KANK4: variants seen among roughly 807,000 people sequenced by gnomAD.
The protein encoded by KANK4 is KN motif and ankyrin repeat domains 4.
A neutral mutation model predicts 80.8 loss-of-function variants in KANK4; 50 were observed. The observed-to-expected ratio is 0.62, with a 90% CI of 0.49 to 0.78. The LOEUF (loss-of-function observed/expected upper bound fraction) is 0.78. Among genes scored for constraint, KANK4 ranks in the 30% least tolerant of loss-of-function variants. KANK4 has a pLI of 0.00. For synonymous variants in KANK4, 465 were observed against 506.9 expected, an observed-to-expected ratio of 0.92 and a Z score of 1.11; for missense variants, 1,196 against 1,240.1, an observed-to-expected ratio of 0.96 and a Z score of 0.53.
At chr1:62,304,180 G>A (rs1300346457) in intron 1 of KANK4, among the ~76,000 whole-genome samples, 3 of 152,004 alleles carry the variant, frequency 2.0e-5, no homozygotes, top group Admixed American at 6.6e-5. Flanking sequence ...CGGACCTTCA[G>A]ATTCTATTTC....
intron 6 of KANK4, among the ~76,000 whole-genome samples, chr1:62,265,680 G>A (rs768056128): frequency 2.6e-5 from 4 of 152,232 alleles, no homozygotes; most frequent in Non-Finnish European, 4.4e-5. Flanking sequence ...AGAGCAAAAT[G>A]GCTTTTAAAA....
At position 62,268,508 on chromosome 1, in the gene KANK4, G is replaced by A. The variant is rs371835499; in HGVS notation, c.2013-3C>T. Reference sequence around the variant, plus strand: ...CCTCACTTGAGGTGGTCTCATACCTGGGGTAGAAAACAAAGGTCACTCGTC... The same window carrying A: ...CCTCACTTGAGGTGGTCTCATACCTAGGGTAGAAAACAAAGGTCACTCGTC... On this transcript the variant is annotated splice_polypyrimidine_tract_variant and splice_region_variant and intron_variant, in intron 4 of 9. Coordinates refer to ENST00000371153, the MANE Select transcript of KANK4 (RefSeq NM_181712.5). 15 of 1,612,332 alleles carry A rather than the reference G, an allele frequency of 9.3e-6. No homozygotes were observed. In the Admixed American group the frequency reaches 1.5e-4, roughly 16 times the overall value.
intron 7 of KANK4, among the ~76,000 whole-genome samples, chr1:62,262,014 C>T (rs1429761596): frequency 6.6e-6 from 1 of 152,232 alleles, no homozygotes; most frequent in African/African-American, 2.4e-5. Flanking sequence ...GCTCACCTAG[C>T]TCACCTTTGC....
intron 1 of KANK4, among the ~76,000 whole-genome samples, chr1:62,285,391 G>A (rs1281455351): frequency 6.6e-6 from 1 of 152,156 alleles, no homozygotes; most frequent in African/African-American, 2.4e-5. Context: ...CCCAACTCCT[G>A]CAGCATTTAT....
At position 62,250,544 on chromosome 1, in the gene KANK4, C is replaced by T. The variant is rs566285875; in HGVS notation, c.2682+2523G>A. On this transcript the variant is annotated intron_variant, in intron 8 of 9. Coordinates refer to ENST00000371153, the MANE Select transcript of KANK4 (RefSeq NM_181712.5). ...CCTCTGCTCTCTTCACATGTGAAGG[C>T]CCAGGGGGAGCTAAAGGGAATGGCT... 2.6e-5 allele frequency among the ~76,000 whole-genome samples: 4 copies of T among 152,274 alleles called. No individual in the cohort carries two copies. The East Asian group carries it at 7.7e-4, about 29-fold the overall frequency.
Position 62,273,213 on chromosome 1 carries a change from G to GGGAGGA in KANK4, c.1885_1890dup (p.Ser629_Ser630dup). ...TATTGATGGTATTTACCCACTGGCG[G>GGGAGGA]GGAGGAGGAGGAGGCCGGTGGCTCC... On this transcript the variant is annotated inframe_insertion, in exon 3 of 10. Coordinates refer to ENST00000371153, the MANE Select transcript of KANK4 (RefSeq NM_181712.5). 4 of 1,504,768 alleles carry GGGAGGA rather than the reference G, an allele frequency of 2.7e-6. No individual in the cohort carries two copies. Among genetic ancestry groups the GGGAGGA allele is most frequent in the South Asian group, 2.7e-5 (2 of 73,988 alleles). The allele number at this position is 1,504,768 out of a possible 1,614,324, so 93.2% of individuals were successfully genotyped here.
intron 5 of KANK4, 95 bp from the exon 6 acceptor site, chr1:62,266,914 C>T (rs1363375006): frequency 2.5e-6 from 2 of 790,306 alleles, no homozygotes; most frequent in South Asian, 1.8e-5. Flanking sequence ...ATCTCAGCAG[C>T]TCAAAAATCC....
At chr1:62,313,148 T>A (rs1231481788) in intron 1 of KANK4, among the ~76,000 whole-genome samples, 1 of 152,228 alleles carries the variant, frequency 6.6e-6, no homozygotes, top group African/African-American at 2.4e-5. Flanking sequence ...TTGTTGTTAA[T>A]CTCTTACTGT....
At chr1:62,272,036 C>T in intron 3 of KANK4, 1 of 164,454 alleles carries the variant, frequency 6.1e-6, no homozygotes, top group Non-Finnish European at 1.3e-5. Context: ...TGACACCGTG[C>T]TCACAGTAGA....
chr1:62,288,780 C>T (rs1672623235), intron 1 of KANK4, among the ~76,000 whole-genome samples: 1 of 152,216 alleles, frequency 6.6e-6, no homozygotes, highest in African/African-American at 2.4e-5. Context: ...CACTCCACAT[C>T]TCTTTTTTCA....
intron 7 of KANK4, among the ~76,000 whole-genome samples, chr1:62,257,803 A>G (rs1203510344): frequency 6.6e-6 from 1 of 152,186 alleles, no homozygotes; most frequent in Non-Finnish European, 1.5e-5. Flanking sequence ...ACTATGTTAA[A>G]GGGAAAAGTT....
intron 9 of KANK4, among the ~76,000 whole-genome samples, chr1:62,244,199 A>AT (rs370676636): frequency 0.012 from 1,707 of 138,076 alleles, 15 homozygotes; most frequent in Non-Finnish European, 0.017. Context: ...TTTATTTTTT[A>AT]TTTTTTTTTT....
chr1:62,289,599 A>C (rs967717114), intron 1 of KANK4, among the ~76,000 whole-genome samples: 2 of 152,208 alleles, frequency 1.3e-5, no homozygotes, highest in African/African-American at 4.8e-5. Context: ...GGGGAATTCA[A>C]AATCAAATAC....
chr1:62,295,349 G>A (rs1020706088), intron 1 of KANK4, among the ~76,000 whole-genome samples: 9 of 152,146 alleles, frequency 5.9e-5, no homozygotes, highest in African/African-American at 1.9e-4. Flanking sequence ...TCGCCATGTT[G>A]CCCAGGCTGG....
chr1:62,238,878 C>T (rs2149110941), intron 9 of KANK4, among the ~76,000 whole-genome samples: 1 of 152,196 alleles, frequency 6.6e-6, no homozygotes, highest in South Asian at 2.1e-4. Context: ...GGTCCGCCCA[C>T]CTTGGCCTCC....
intron 2 of KANK4, among the ~76,000 whole-genome samples, 173 bp downstream of exon 2, chr1:62,281,376 C>A (rs1672447220): frequency 1.3e-5 from 2 of 152,194 alleles, no homozygotes; most frequent in Non-Finnish European, 2.9e-5. Context: ...CTTTCCTAGG[C>A]TAGGGCTGGA....
At position 62,281,566 on chromosome 1, in the gene KANK4, T is replaced by A. The variant is rs1025549770; in HGVS notation, c.-2A>T. On this transcript the variant is annotated 5_prime_UTR_variant, in exon 2 of 10. In the 5' UTR this introduces an upstream ATG that the reference lacks. Coordinates refer to ENST00000371153, the MANE Select transcript of KANK4 (RefSeq NM_181712.5). ...TTGCCTACCATCTGTCTTCTCCATCTTTGGAGCGCTGACCCTCAGTGTCTC... is the reference window on the plus strand; with the variant it reads ...TTGCCTACCATCTGTCTTCTCCATCATTGGAGCGCTGACCCTCAGTGTCTC... 5 of 1,614,084 alleles carry A rather than the reference T, an allele frequency of 3.1e-6. No individual in the cohort carries two copies. The African/African-American group carries it at 6.7e-5, about 22-fold the overall frequency.
At chr1:62,302,455 C>T (rs1644419904) in intron 1 of KANK4, among the ~76,000 whole-genome samples, 1 of 151,952 alleles carries the variant, frequency 6.6e-6, no homozygotes, top group South Asian at 2.1e-4. Flanking sequence ...TCATATTTTA[C>T]AATGAGAAGA....
chr1:62,263,437 C>T, intron 6 of KANK4, 126 bp from the exon 7 acceptor site: 1 of 756,548 alleles, frequency 1.3e-6, no homozygotes, highest in South Asian at 1.6e-5. Flanking sequence ...GTGATTTATT[C>T]CTGAAGGGCT....
Sources: gnomAD v4.1 joint callset for allele counts (sites outside exome capture counted in the v4.1 genomes callset) on GRCh38, gnomAD v4.1.1 for gene constraint, MANE v1.5 for transcripts, NCBI Gene and HGNC (gene_info 2026-07-23, HGNC 2026-07-21) for gene names.